The following SLC7A14 variants were observed in gnomAD, a reference collection of about 807,000 sequenced individuals.
The protein encoded by SLC7A14 is solute carrier family 7 member 14.
A neutral mutation model predicts 60.2 loss-of-function variants in SLC7A14; 37 were observed. That is an observed-to-expected ratio of 0.61 (90% CI 0.47 to 0.81). The LOEUF is 0.81. Among genes scored for constraint, SLC7A14 ranks in the 30% least tolerant of loss-of-function variants. The pLI, the probability that SLC7A14 is intolerant of heterozygous loss-of-function variation, is 0.00. For missense variants in SLC7A14, 886 were observed against 982.7 expected (o/e 0.90, Z 1.32); for synonymous variants, 399 against 395.8 (o/e 1.01, Z -0.10).
intron 7 of SLC7A14, among the ~76,000 whole-genome samples, chr3:170,479,647 T>TG (rs1711745141): frequency 6.6e-6 from 1 of 152,208 alleles, no homozygotes; most frequent in Non-Finnish European, 1.5e-5. Context: ...GTAAGGATGG[T>TG]GGCATGATGG....
chr3:170,540,878 T>A (rs150280521), intron 1 of SLC7A14, among the ~76,000 whole-genome samples: 2 of 152,372 alleles, frequency 1.3e-5, no homozygotes, highest in African/African-American at 4.8e-5. Context: ...TTTGAATGTA[T>A]TCCTCATAGA....
intron 1 of SLC7A14, among the ~76,000 whole-genome samples, chr3:170,533,534 C>T (rs2108296864): frequency 6.6e-6 from 1 of 152,344 alleles, no homozygotes. Flanking sequence ...CATGTTATAG[C>T]TTCTAGATCA....
intron 2 of SLC7A14, among the ~76,000 whole-genome samples, chr3:170,506,285 A>G (rs1712778890): frequency 6.6e-6 from 1 of 152,212 alleles, no homozygotes; most frequent in South Asian, 2.1e-4. Context: ...TCAATTACCC[A>G]CGATATAAAT....
rs777397455 is a variant in SLC7A14 at position 170,498,819 on chromosome 3, C to T, written c.607G>A (p.Val203Ile). The change falls in exon 4 of 8, where the codon GTT (valine) becomes ATT (isoleucine). Residue 203 changes from valine (V) to isoleucine (I), a missense_variant. Coordinates refer to ENST00000231706, the MANE Select transcript of SLC7A14 (RefSeq NM_020949.3). ...LLIAVIVTII[V>I]ALGVKNSIGF... ...ATGGAATTCTTCACCCCCAGAGCAA[C>T]AATGATGGTCACGATGACCGCGATC... The T allele has an allele frequency of 1.9e-6, 3 of 1,614,150 alleles. No individual in the cohort carries two copies. In the South Asian group the frequency reaches 3.3e-5, roughly 18 times the overall value.
intron 4 of SLC7A14, among the ~76,000 whole-genome samples, chr3:170,498,234 G>T (rs916216042): frequency 1.1e-4 from 17 of 152,160 alleles, no homozygotes; most frequent in Non-Finnish European, 1.6e-4. Flanking sequence ...AGGCAGTCGT[G>T]GCTGACTGGG....
At position 170,465,046 on chromosome 3, in the gene SLC7A14, T is replaced by C. The variant is rs1255229157; in HGVS notation, c.*2009A>G. ...ATGCTGTATTTCACAGAGTAGGCAC[T>C]GTATCTTTATGGTTAACTCTAGGGA... On this transcript the variant is annotated 3_prime_UTR_variant, in exon 8 of 8. Coordinates refer to ENST00000231706, the MANE Select transcript of SLC7A14 (RefSeq NM_020949.3). The C allele has an allele frequency of 6.6e-6, 1 of 152,244 alleles. No individual in the cohort carries two copies. The highest frequency in any genetic ancestry group is 1.5e-5 in the Non-Finnish European group (1 of 68,042). 9.4% of individuals were successfully genotyped at this position (152,244 alleles called of 1,614,324 possible). A position where few individuals can be genotyped will look rare whatever the true frequency, so the allele number is the denominator to read the frequency against.
At chr3:170,584,089 T>C (rs1303665022) in intron 1 of SLC7A14, among the ~76,000 whole-genome samples, 1 of 152,224 alleles carries the variant, frequency 6.6e-6, no homozygotes, top group African/African-American at 2.4e-5. Flanking sequence ...ATACTTTTGG[T>C]TGGCAGCTAT....
At chr3:170,469,176 G>T (rs879484958) in intron 7 of SLC7A14, among the ~76,000 whole-genome samples, 5 of 152,160 alleles carry the variant, frequency 3.3e-5, no homozygotes, top group South Asian at 2.1e-4. Flanking sequence ...TGCTAACCCT[G>T]CAGGCTTCTG....
intron 7 of SLC7A14, 121 bp downstream of exon 7, chr3:170,480,168 A>G: frequency 9.3e-7 from 1 of 1,078,746 alleles, no homozygotes; most frequent in Non-Finnish European, 1.3e-6. Flanking sequence ...ACAAGGGTCC[A>G]TAGAACCAGC....
chr3:170,484,993 A>T (rs1711976422), intron 5 of SLC7A14, among the ~76,000 whole-genome samples: 1 of 151,854 alleles, frequency 6.6e-6, no homozygotes, highest in South Asian at 2.1e-4. Context: ...GTGATGATTG[A>T]CTTTATTGTG....
intron 1 of SLC7A14, among the ~76,000 whole-genome samples, chr3:170,542,124 A>T (rs1216036078): frequency 6.6e-6 from 1 of 152,220 alleles, no homozygotes. Context: ...TTACAGAATC[A>T]GCTTTAAAAC....
At chr3:170,521,869 C>T (rs538923650) in intron 2 of SLC7A14, among the ~76,000 whole-genome samples, 6 of 151,662 alleles carry the variant, frequency 4.0e-5, no homozygotes, top group South Asian at 2.1e-4. Flanking sequence ...TGTGGTGAGC[C>T]GAGATCGTGC....
rs1239307593 is a variant in SLC7A14, at chr3:170,474,636, C to T, written c.1993+5653G>A. On this transcript the variant is annotated intron_variant, in intron 7 of 7. Coordinates refer to ENST00000231706, the MANE Select transcript of SLC7A14 (RefSeq NM_020949.3). Reference sequence around the variant, plus strand: ...AGAATTTAGTTATCAGGTCCCAATTCATTGCTCTTTCTTTCCCTCTTCTTC... The same window carrying T: ...AGAATTTAGTTATCAGGTCCCAATTTATTGCTCTTTCTTTCCCTCTTCTTC... Among the ~76,000 whole-genome samples, 5 of 152,262 alleles carry T rather than the reference C, an allele frequency of 3.3e-5. No individual in the cohort carries two copies. The East Asian group carries it at 9.7e-4, about 29-fold the overall frequency.
At chr3:170,495,569 C>G (rs1024162951) in intron 4 of SLC7A14, 6 of 760,726 alleles carry the variant, frequency 7.9e-6, no homozygotes, top group Non-Finnish European at 1.2e-5. Flanking sequence ...GAGTGAGCAG[C>G]AGCAGCTTCC....
In SLC7A14 at chr3:170,460,161, A is replaced by G. The variant is rs1486307570; in HGVS notation, c.*6894T>C. The G allele has an allele frequency of 6.6e-6, 1 of 152,244 alleles. No homozygotes were observed. 9.4% of individuals were successfully genotyped at this position (152,244 alleles called of 1,614,324 possible). On this transcript the variant is annotated 3_prime_UTR_variant, in exon 8 of 8. Coordinates refer to ENST00000231706, the MANE Select transcript of SLC7A14 (RefSeq NM_020949.3). ...TCATACCAAAAAAAGATAGCAGAGA[A>G]CAACACTAGGAATTACCATCTGTAA...
At chr3:170,514,805 C>T (rs1713099169) in intron 2 of SLC7A14, among the ~76,000 whole-genome samples, 1 of 152,134 alleles carries the variant, frequency 6.6e-6, no homozygotes, top group African/African-American at 2.4e-5. Flanking sequence ...GGAAACTGGC[C>T]AATACTCTTG....
In SLC7A14 at chr3:170,480,909, T is replaced by C. The variant is rs1711791469; in HGVS notation, c.1373A>G (p.Asp458Gly). 1 of 1,613,904 alleles carries C rather than the reference T, an allele frequency of 6.2e-7. No individual in the cohort carries two copies. The highest frequency in any genetic ancestry group is 1.7e-5 in the Admixed American group (1 of 59,978). ...HTKKKEGILADCEKEACSPVS... is the reference protein window; with the variant it reads ...HTKKKEGILAGCEKEACSPVS... Reference sequence around the variant, plus strand: ...AGGAGAACAAGCTTCCTTCTCACAGTCAGCCAGAATGCCCTCCTTCTTCTT... The same window carrying C: ...AGGAGAACAAGCTTCCTTCTCACAGCCAGCCAGAATGCCCTCCTTCTTCTT... The change falls in exon 7 of 8, where the codon GAC becomes GGC. Residue 458 changes from aspartate (D) to glycine (G), a missense_variant. Transcript: ENST00000231706.
At chr3:170,493,126 A>T (rs1196724896) in intron 4 of SLC7A14, among the ~76,000 whole-genome samples, 1 of 152,256 alleles carries the variant, frequency 6.6e-6, no homozygotes, top group Non-Finnish European at 1.5e-5. Flanking sequence ...TCAAGAACAA[A>T]TAACATGAAG....
intron 1 of SLC7A14, among the ~76,000 whole-genome samples, chr3:170,565,042 T>A (rs548745289): frequency 6.6e-6 from 1 of 152,326 alleles, no homozygotes; most frequent in East Asian, 1.9e-4. Context: ...ATCTCTAGTC[T>A]CTTTAGGCTC....
Sources: allele counts gnomAD v4.1 joint callset (sites outside exome capture counted in the v4.1 genomes callset), GRCh38; gene constraint gnomAD v4.1.1; transcripts MANE v1.5; gene names NCBI Gene and HGNC (gene_info 2026-07-23, HGNC 2026-07-21).